TRIM7: variants seen among roughly 807,000 people sequenced by gnomAD.
TRIM7 encodes the protein tripartite motif containing 7, also known as E3 ubiquitin-protein ligase TRIM7.
A neutral mutation model predicts 37.9 loss-of-function variants in TRIM7; 32 were observed. The observed-to-expected ratio is 0.84, with a 90% CI of 0.64 to 1.13. The LOEUF (loss-of-function observed/expected upper bound fraction) is 1.13. Among genes scored for constraint, TRIM7 ranks in the 50% most tolerant of loss-of-function variants. TRIM7 has a pLI of 0.00. For synonymous variants in TRIM7, 351 were observed against 321.3 expected, an observed-to-expected ratio of 1.09 and a Z score of -0.99; for missense variants, 732 against 714.0, an observed-to-expected ratio of 1.03 and a Z score of -0.29.
At chr5:181,203,466 A>G (rs747261943) in intron 2 of TRIM7, 79 bp downstream of exon 2, 5 of 1,595,516 alleles carry the variant, frequency 3.1e-6, no homozygotes, top group Non-Finnish European at 2.6e-6. Flanking sequence ...ACACTCCAAC[A>G]CCACACACAC....
rs1396657280 is a variant in TRIM7, at chr5:181,200,100, T to C, written c.619-19A>G. The C allele has an allele frequency of 1.9e-6, 3 of 1,614,234 alleles. No individual in the cohort carries two copies. The highest frequency in any genetic ancestry group is 2.5e-6 in the Non-Finnish European group (3 of 1,180,032). On this transcript the variant is annotated intron_variant, in intron 2 of 6. Coordinates refer to ENST00000274773, the MANE Select transcript of TRIM7 (RefSeq NM_203293.3). The stretch of plus-strand genomic sequence containing the variant: ...TCTGTTTCTGTCCCAGGAGGAGAAG[T>C]TGGAGAGGGACTTGAACATGGAGAC...
At chr5:181,204,145 A>G in intron 1 of TRIM7, 1 of 1,001,138 alleles carries the variant, frequency 1.0e-6, no homozygotes, top group Non-Finnish European at 1.2e-6. Context: ...CATCTTGGCG[A>G]GGTCCTCTCA....
chr5:181,197,939 T>G, intron 6 of TRIM7: 1 of 548,960 alleles, frequency 1.8e-6, no homozygotes, highest in Non-Finnish European at 3.3e-6. Flanking sequence ...CCAGTCTGAG[T>G]ATCTCGAGGT....
chr5:181,204,152 C>T, intron 1 of TRIM7: 2 of 1,003,892 alleles, frequency 2.0e-6, no homozygotes, highest in Non-Finnish European at 2.4e-6. Flanking sequence ...GCGAGGTCCT[C>T]TCACTCAGTT....
At chr5:181,196,680 G>C (rs542317847) in intron 6 of TRIM7, 1 of 152,346 alleles carries the variant, frequency 6.6e-6, no homozygotes, top group East Asian at 1.9e-4. Context: ...TCAGGCCACT[G>C]TACTCCATGA....
chr5:181,195,446 CGCACGCT>C lies in TRIM7; in HGVS notation c.1249_1255del (p.Ser417AlafsTer5). 6 of 1,609,022 alleles carry C rather than the reference CGCACGCT, an allele frequency of 3.7e-6. No homozygotes were observed. Among genetic ancestry groups the C allele is most frequent in the Non-Finnish European group, 5.1e-6 (6 of 1,178,194 alleles). ...AGTGAAGGGCGTCAGGCCCTTTCGG[CGCACGCT>C]CTCGCGGGCCACGCCAAAGGCCCAG... On this transcript the variant is annotated frameshift_variant, in exon 7 of 7. Coordinates refer to ENST00000274773, the MANE Select transcript of TRIM7 (RefSeq NM_203293.3). LOFTEE classifies it low-confidence loss of function (END_TRUNC).
chr5:181,200,897 C>T, intron 2 of TRIM7: 1 of 985,504 alleles, frequency 1.0e-6, no homozygotes, highest in African/African-American at 1.7e-5. Context: ...CTACAATGCC[C>T]CCACCTTTCC....
chr5:181,198,720 C>G lies in TRIM7; in HGVS notation c.958G>C (p.Val320Leu). The G allele has an allele frequency of 6.2e-7, 1 of 1,614,108 alleles. No individual in the cohort carries two copies. Among genetic ancestry groups the G allele is most frequent in the Non-Finnish European group, 8.5e-7 (1 of 1,179,970 alleles). The part of the protein sequence containing the change: ...KVWNVSLKTF[V>L]LKGMLKKFKE... The stretch of plus-strand genomic sequence containing the variant: ...AACTTCTTCAGCATCCCTTTTAAGA[C>G]AAAGGTCTTGAGAGAAACATTCCAG... The change falls in exon 5 of 7, where the codon GTC becomes CTC. Residue 320 changes from valine to leucine, a missense_variant. Coordinates refer to ENST00000274773, the MANE Select transcript of TRIM7 (RefSeq NM_203293.3).
In TRIM7 at chr5:181,204,693, A is replaced by G; in HGVS notation, c.418T>C (p.Tyr140His). 6.6e-7 allele frequency: 1 copy of G among 1,504,350 alleles called. No individual in the cohort carries two copies. Among genetic ancestry groups the G allele is most frequent in the Non-Finnish European group, 8.8e-7 (1 of 1,137,116 alleles). The allele number at this position is 1,504,350 out of a possible 1,614,324, so 93.2% of individuals were successfully genotyped here. The change falls in exon 1 of 7, where the codon TAC becomes CAC. Residue 140 changes from tyrosine to histidine, a missense_variant. By Grantham distance (83) the Tyr-to-His change is moderately conservative. Transcript: ENST00000274773. ...CGQHGEPFKL[Y>H]CQDDGRAICV... ...ATGGCGCGTCCGTCGTCCTGGCAGTAGAGCTTGAAGGGTTCGCCATGCTGC... is the reference window on the plus strand; with the variant it reads ...ATGGCGCGTCCGTCGTCCTGGCAGTGGAGCTTGAAGGGTTCGCCATGCTGC...
intron 2 of TRIM7, 40 bp from the exon 3 acceptor site, chr5:181,200,121 G>A: frequency 2.5e-6 from 4 of 1,614,274 alleles, no homozygotes; most frequent in Non-Finnish European, 3.4e-6. Flanking sequence ...CTTGAACATG[G>A]AGACATAACA....
rs61743096 is a variant in TRIM7, at chr5:181,200,027, C to T, written c.673G>A (p.Ala225Thr). The T allele has an allele frequency of 2.0e-3, 3,226 of 1,614,258 alleles. 48 individuals are homozygous for T. In the African/African-American group the frequency reaches 0.037, roughly 18 times the overall value. The change falls in exon 3 of 7, where the codon GCT becomes ACT. Residue 225 changes from alanine to threonine, a missense_variant. By Grantham distance (58) the Ala-to-Thr change is moderately conservative. Coordinates refer to ENST00000274773, the MANE Select transcript of TRIM7 (RefSeq NM_203293.3). ...KVGAEFQALR[A>T]FLVEQEGRLL... ...CGACCCTCCTGCTCCACCAGGAAAG[C>T]CCTCAGTGCCTGGAACTCTGCCCCC...
At chr5:181,204,273 C>T (rs1561652364) in intron 1 of TRIM7, 3 of 1,081,690 alleles carry the variant, frequency 2.8e-6, no homozygotes, top group South Asian at 8.9e-5. Flanking sequence ...GCTGCGGAGA[C>T]GCAGACCAGG....
At chr5:181,197,916 C>T (rs1223170961) in intron 6 of TRIM7, 13 of 527,224 alleles carry the variant, frequency 2.5e-5, no homozygotes, top group African/African-American at 1.3e-4. Context: ...CCCAGGTGGC[C>T]GAGAAGCCTT....
Position 181,204,818 on chromosome 5 carries a change from G to A in TRIM7, c.293C>T (p.Ala98Val), listed in dbSNP as rs1387446278. ...GAAGCGCCGCAGGAGCGTGGCCACTGCCGCCAGCTGCCGGTTGGGCCGCAG... is the reference window on the plus strand; with the variant it reads ...GAAGCGCCGCAGGAGCGTGGCCACTACCGCCAGCTGCCGGTTGGGCCGCAG... ...SQLRPNRQLA[A>V]VATLLRRFSL... The change falls in exon 1 of 7, where the codon GCA becomes GTA. Residue 98 changes from alanine (A) to valine (V), a missense_variant. By Grantham distance (64) the Ala-to-Val change is moderately conservative. Transcript: ENST00000274773. 1 of 1,379,582 alleles carries A rather than the reference G, an allele frequency of 7.2e-7. No individual in the cohort carries two copies. Among genetic ancestry groups the A allele is most frequent in the Non-Finnish European group, 9.3e-7 (1 of 1,074,236 alleles). 85.5% of individuals were successfully genotyped at this position (1,379,582 alleles called of 1,614,324 possible).
At chr5:181,202,178 CTTT>C (rs71593427) in intron 2 of TRIM7, 90 of 131,840 alleles carry the variant, frequency 6.8e-4, no homozygotes, top group Admixed American at 1.9e-3. Context: ...TCCTTTCATT[CTTT>C]TTTTTTTTTT....
At chr5:181,204,191 C>T (rs941817606) in intron 1 of TRIM7, 10 of 1,014,780 alleles carry the variant, frequency 9.9e-6, no homozygotes, top group African/African-American at 1.7e-5. Flanking sequence ...GAGCAGAGCC[C>T]GCTTCGGGGA....
intron 2 of TRIM7, 74 bp downstream of exon 2, chr5:181,203,471 A>C (rs1424184405): frequency 6.3e-7 from 1 of 1,599,576 alleles, no homozygotes. Context: ...CCAACACCAC[A>C]CACACCGAGC....
chr5:181,200,315 G>A (rs944863342), intron 2 of TRIM7: 7 of 1,433,862 alleles, frequency 4.9e-6, no homozygotes, highest in African/African-American at 1.4e-5. Flanking sequence ...ACACATGTCT[G>A]TGGACCTGTG....
intron 1 of TRIM7, chr5:181,203,911 C>A: frequency 3.4e-6 from 4 of 1,191,876 alleles, no homozygotes; most frequent in Non-Finnish European, 4.2e-6. Context: ...ACTCTCCGCC[C>A]CCCCACCAGG....
Sources: gnomAD v4.1 joint callset for allele counts on GRCh38, gnomAD v4.1.1 for gene constraint, MANE v1.5 for transcripts, NCBI Gene and HGNC (gene_info 2026-07-23, HGNC 2026-07-21) for gene names.